Variants in SLC24A2 observed in about 807,000 individuals in gnomAD.
SLC24A2 encodes solute carrier family 24 member 2.
A neutral mutation model predicts 62.0 loss-of-function variants in SLC24A2; 36 were observed. That is an observed-to-expected ratio of 0.58 (90% CI 0.44 to 0.77). SLC24A2 has a LOEUF of 0.77. Ranked by LOEUF, SLC24A2 falls within the 30% of genes least tolerant of loss-of-function variation. The pLI is 0.00. For missense variants in SLC24A2, 846 were observed against 817.9 expected (o/e 1.03, Z -0.42); for synonymous variants, 358 against 294.0 (o/e 1.22, Z -2.23).
intron 8 of SLC24A2, among the ~76,000 whole-genome samples, chr9:19,533,522 GC>G (rs1439159536): frequency 6.6e-6 from 1 of 152,224 alleles, no homozygotes; most frequent in African/African-American, 2.4e-5. Context: ...TCTCAAGAGG[GC>G]TTTGTAGCTT....
At chr9:20,042,222 A>T in the SLC24A2 span, among the ~76,000 whole-genome samples, 2 of 152,230 alleles carry the variant, frequency 1.3e-5, no homozygotes, top group African/African-American at 4.8e-5. Flanking sequence ...ATATTTAAAT[A>T]ATAAGCAGGA....
chr9:19,706,327 C>G (rs1382064891), intron 2 of SLC24A2, among the ~76,000 whole-genome samples: 3 of 150,662 alleles, frequency 2.0e-5, no homozygotes, highest in African/African-American at 7.3e-5. Context: ...CTATGTGTGT[C>G]TCTGCATGTG....
chr9:20,027,179 A>C, the SLC24A2 span, among the ~76,000 whole-genome samples: 2 of 152,132 alleles, frequency 1.3e-5, no homozygotes, highest in African/African-American at 2.4e-5. Context: ...TGGAGAAAAG[A>C]GAACCCTTGT....
the SLC24A2 span, among the ~76,000 whole-genome samples, chr9:19,825,421 C>G: frequency 6.6e-6 from 1 of 152,134 alleles, no homozygotes; most frequent in Non-Finnish European, 1.5e-5. Flanking sequence ...GAACTTATAT[C>G]TACTCTGGGG....
At chr9:19,619,459 C>G in intron 4 of SLC24A2, 125 bp downstream of exon 4, 1 of 814,758 alleles carries the variant, frequency 1.2e-6, no homozygotes, top group South Asian at 1.3e-5. Context: ...CTGCTTCTGG[C>G]AGAAGCTAAA....
chr9:20,235,748 T>C, the SLC24A2 span, among the ~76,000 whole-genome samples: 4 of 152,206 alleles, frequency 2.6e-5, no homozygotes, highest in Non-Finnish European at 4.4e-5. Flanking sequence ...CTGCACCTAC[T>C]GTCTGGCACT....
At chr9:19,756,990 G>C (rs531663107) in intron 2 of SLC24A2, among the ~76,000 whole-genome samples, 1 of 129,046 alleles carries the variant, frequency 7.7e-6, no homozygotes, top group African/African-American at 2.8e-5. Flanking sequence ...ACTCACTGTA[G>C]CCTCAAACTC....
At chr9:20,295,032 A>G in the SLC24A2 span, among the ~76,000 whole-genome samples, 1 of 143,422 alleles carries the variant, frequency 7.0e-6, no homozygotes, top group African/African-American at 2.7e-5. Context: ...ATATGTGTAT[A>G]TATGTATATA....
chr9:19,778,069 C>T (rs1219492644), intron 2 of SLC24A2, among the ~76,000 whole-genome samples: 1 of 152,078 alleles, frequency 6.6e-6, no homozygotes, highest in Non-Finnish European at 1.5e-5. Context: ...TGAGAGAATG[C>T]CATTAAAATT....
intron 4 of SLC24A2, among the ~76,000 whole-genome samples, chr9:19,608,769 C>T (rs1443234601): frequency 1.3e-5 from 2 of 151,580 alleles, no homozygotes; most frequent in Non-Finnish European, 2.9e-5. Flanking sequence ...ATCTCTCTCT[C>T]TCTCTCTCTC....
chr9:20,261,177 C>G, the SLC24A2 span, among the ~76,000 whole-genome samples: 2 of 152,094 alleles, frequency 1.3e-5, no homozygotes, highest in African/African-American at 4.8e-5. Context: ...ATCCTTATGC[C>G]TTTGCATTCT....
the SLC24A2 span, among the ~76,000 whole-genome samples, chr9:20,039,118 G>T: frequency 2.0e-5 from 3 of 152,178 alleles, no homozygotes; most frequent in Non-Finnish European, 4.4e-5. Context: ...ACAGAAGGGG[G>T]AAAGGAGGCG....
At chr9:19,818,863 G>A in the SLC24A2 span, among the ~76,000 whole-genome samples, 1 of 151,922 alleles carries the variant, frequency 6.6e-6, no homozygotes, top group Non-Finnish European at 1.5e-5. Flanking sequence ...AATTCATATG[G>A]GAACAAAAAA....
chr9:19,677,169 G>A lies in SLC24A2; in HGVS notation c.931-54870C>T, dbSNP rs946219079. Reference sequence around the variant, plus strand: ...GCACTATTCACAATAGCAAAGACATGGAATCAACCTAAATACCCACCTATG... The same window carrying A: ...GCACTATTCACAATAGCAAAGACATAGAATCAACCTAAATACCCACCTATG... On this transcript the variant is annotated intron_variant, in intron 2 of 10. Coordinates refer to ENST00000341998, the MANE Select transcript of SLC24A2 (RefSeq NM_020344.4). Among the ~76,000 whole-genome samples, 4 of 152,196 alleles carry A rather than the reference G, an allele frequency of 2.6e-5. No individual in the cohort carries two copies. In the South Asian group the frequency reaches 8.3e-4, roughly 31 times the overall value.
chr9:19,589,995 CT>C (rs1836501990), intron 5 of SLC24A2, among the ~76,000 whole-genome samples: 1 of 152,080 alleles, frequency 6.6e-6, no homozygotes, highest in African/African-American at 2.4e-5. Context: ...TAGGAGAGGC[CT>C]TCCTATGCTG....
chr9:19,990,011 T>C, the SLC24A2 span, among the ~76,000 whole-genome samples: 6 of 152,182 alleles, frequency 3.9e-5, no homozygotes, highest in African/African-American at 1.4e-4. Context: ...TGTGAAATGA[T>C]GAGACTGGTG....
intron 7 of SLC24A2, among the ~76,000 whole-genome samples, chr9:19,550,819 G>A (rs953506715): frequency 2.6e-5 from 4 of 151,492 alleles, no homozygotes; most frequent in Admixed American, 1.3e-4. Context: ...GAATAGCTAA[G>A]TGCATTGATT....
chr9:19,801,874 C>T, the SLC24A2 span, among the ~76,000 whole-genome samples: 8 of 152,046 alleles, frequency 5.3e-5, no homozygotes, highest in Non-Finnish European at 7.4e-5. Flanking sequence ...TATTAGTTTT[C>T]TATAAACCAA....
chr9:19,806,190 T>A, the SLC24A2 span, among the ~76,000 whole-genome samples: 1 of 151,958 alleles, frequency 6.6e-6, no homozygotes, highest in African/African-American at 2.4e-5. Flanking sequence ...AGGGGTAGAG[T>A]GGAATCAGCT....
Sources: allele counts gnomAD v4.1 joint callset (sites outside exome capture counted in the v4.1 genomes callset), GRCh38; gene constraint gnomAD v4.1.1; transcripts MANE v1.5; gene names NCBI Gene and HGNC (gene_info 2026-07-23, HGNC 2026-07-21).